Variants in AGBL4 observed in about 807,000 individuals in gnomAD.
AGBL4 encodes the protein AGBL carboxypeptidase 4.
AGBL4 carries 58 observed loss-of-function variants against 66.4 expected under a neutral mutation model. The observed-to-expected ratio is 0.87, with a 90% CI of 0.71 to 1.09. The LOEUF (loss-of-function observed/expected upper bound fraction) is 1.09, where lower values mean the gene tolerates loss of function less well. Among genes scored for constraint, AGBL4 ranks in the 50% least tolerant of loss-of-function variants. The pLI, the probability that AGBL4 is intolerant of heterozygous loss-of-function variation, is 0.00. For synonymous variants in AGBL4, 234 were observed against 222.9 expected, an observed-to-expected ratio of 1.05 and a Z score of -0.44; for missense variants, 579 against 631.0, an observed-to-expected ratio of 0.92 and a Z score of 0.88.
At chr1:49,715,444 A>C (rs1648037776) in intron 2 of AGBL4, among the ~76,000 whole-genome samples, 1 of 152,164 alleles carries the variant, frequency 6.6e-6, no homozygotes, top group Non-Finnish European at 1.5e-5. Context: ...ATGTGTCTTA[A>C]TAGTAGAATG....
intron 3 of AGBL4, among the ~76,000 whole-genome samples, chr1:49,417,019 G>C (rs548728430): frequency 2.0e-5 from 3 of 151,978 alleles, no homozygotes; most frequent in African/African-American, 7.2e-5. Context: ...GTATCTTCAC[G>C]CACTTTCACC....
At chr1:49,816,587 G>A (rs556300117) in intron 2 of AGBL4, among the ~76,000 whole-genome samples, 104 of 152,112 alleles carry the variant, frequency 6.8e-4, no homozygotes, top group Non-Finnish European at 1.2e-3. Flanking sequence ...AATAACCTAC[G>A]CTTGAAGAGA....
intron 6 of AGBL4, among the ~76,000 whole-genome samples, chr1:48,796,652 G>C (rs1393864312): frequency 6.6e-6 from 1 of 152,194 alleles, no homozygotes; most frequent in Non-Finnish European, 1.5e-5. Context: ...GAACCCTTCA[G>C]CACAGTTTAG....
At chr1:49,141,599 T>A (rs1186337089) in intron 4 of AGBL4, among the ~76,000 whole-genome samples, 1 of 151,664 alleles carries the variant, frequency 6.6e-6, no homozygotes, top group African/African-American at 2.4e-5. Context: ...CTGAAGAGGC[T>A]AGATATAAGA....
intron 5 of AGBL4, among the ~76,000 whole-genome samples, chr1:48,898,636 T>C (rs549802731): frequency 1.8e-5 from 2 of 111,248 alleles, no homozygotes; most frequent in East Asian, 5.3e-4. Context: ...TTCTGTTTCA[T>C]TGGTCTATGT....
At chr1:49,551,156 T>G (rs938899779) in intron 3 of AGBL4, among the ~76,000 whole-genome samples, 4 of 152,104 alleles carry the variant, frequency 2.6e-5, no homozygotes, top group Admixed American at 6.6e-5. Context: ...ATTTTTGACT[T>G]TTTAAGCTAT....
intron 3 of AGBL4, among the ~76,000 whole-genome samples, chr1:49,573,728 C>A (rs1283907085): frequency 6.6e-6 from 1 of 152,150 alleles, no homozygotes; most frequent in African/African-American, 2.4e-5. Flanking sequence ...TGGCCTGCAA[C>A]AAAAGGTGCA....
intron 3 of AGBL4, among the ~76,000 whole-genome samples, chr1:49,568,487 T>TCA (rs71059555): frequency 0.18 from 23,299 of 131,068 alleles, 2,102 homozygotes; most frequent in East Asian, 0.39. Flanking sequence ...AAATAAGTGA[T>TCA]CACACACACA....
At chr1:48,658,815 T>C (rs1646060796) in intron 7 of AGBL4, among the ~76,000 whole-genome samples, 2 of 151,060 alleles carry the variant, frequency 1.3e-5, no homozygotes, top group South Asian at 2.1e-4. Context: ...CCTGGCAATA[T>C]TGGTGTTTGT....
intron 1 of AGBL4, chr1:49,995,322 G>A (rs972922507): frequency 6.6e-6 from 3 of 453,894 alleles, no homozygotes; most frequent in Admixed American, 2.3e-5. Context: ...CACAGTGAAA[G>A]TGAGACCAGC....
At chr1:49,133,606 G>C (rs1645945802) in intron 4 of AGBL4, among the ~76,000 whole-genome samples, 1 of 152,054 alleles carries the variant, frequency 6.6e-6, no homozygotes, top group Non-Finnish European at 1.5e-5. Flanking sequence ...CAAGGGTGTT[G>C]AGAAACAAAC....
chr1:50,004,924 C>G (rs1209255947), intron 1 of AGBL4, among the ~76,000 whole-genome samples: 1 of 152,094 alleles, frequency 6.6e-6, no homozygotes, highest in Non-Finnish European at 1.5e-5. Flanking sequence ...TAAATACCAA[C>G]TCAGCCACAG....
intron 1 of AGBL4, among the ~76,000 whole-genome samples, chr1:49,922,584 C>T (rs977325018): frequency 6.6e-6 from 1 of 152,172 alleles, no homozygotes; most frequent in Admixed American, 6.5e-5. Flanking sequence ...GCTTCTTAAG[C>T]TCATAAACAA....
intron 3 of AGBL4, among the ~76,000 whole-genome samples, chr1:49,672,255 G>A (rs1021778135): frequency 6.6e-6 from 1 of 151,138 alleles, no homozygotes; most frequent in Non-Finnish European, 1.5e-5. Context: ...AATACTTCAT[G>A]TTCTCACTTA....
chr1:49,264,778 C>G (rs1026920072), intron 3 of AGBL4, among the ~76,000 whole-genome samples: 10 of 152,206 alleles, frequency 6.6e-5, no homozygotes, highest in Non-Finnish European at 1.2e-4. Context: ...CTCCTGAGCT[C>G]AGGCAATCCG....
chr1:49,561,557 T>G (rs1268510130), intron 3 of AGBL4, among the ~76,000 whole-genome samples: 1 of 151,754 alleles, frequency 6.6e-6, no homozygotes, highest in South Asian at 2.1e-4. Flanking sequence ...AACATGTGGT[T>G]TTTGGTTTTT....
At chr1:49,093,392 A>G (rs918678766) in intron 4 of AGBL4, among the ~76,000 whole-genome samples, 3 of 152,182 alleles carry the variant, frequency 2.0e-5, no homozygotes, top group African/African-American at 7.2e-5. Flanking sequence ...TGGAAATAAG[A>G]TTTATTAATT....
chr1:49,867,619 A>C (rs975345866), intron 1 of AGBL4, among the ~76,000 whole-genome samples: 1 of 151,776 alleles, frequency 6.6e-6, no homozygotes, highest in Non-Finnish European at 1.5e-5. Context: ...TATCTGGCCA[A>C]ACTAAGCTTC....
intron 3 of AGBL4, among the ~76,000 whole-genome samples, chr1:49,548,239 T>G (rs755914517): frequency 6.6e-6 from 1 of 152,354 alleles, no homozygotes; most frequent in Non-Finnish European, 1.5e-5. Flanking sequence ...ACAATCGTAT[T>G]GTCAGCAAAC....
Sources: gnomAD v4.1 joint callset for allele counts (sites outside exome capture counted in the v4.1 genomes callset) on GRCh38, gnomAD v4.1.1 for gene constraint, MANE v1.5 for transcripts, NCBI Gene and HGNC (gene_info 2026-07-23, HGNC 2026-07-21) for gene names.